Variants in EPOP observed in about 807,000 individuals in gnomAD.
The protein encoded by EPOP is elongin BC and Polycomb repressive complex 2-associated protein.
A neutral mutation model predicts 18.2 loss-of-function variants in EPOP; 14 were observed. The observed-to-expected ratio is 0.77, with a 90% CI of 0.51 to 1.20. The LOEUF (loss-of-function observed/expected upper bound fraction) is 1.20, where lower values mean the gene tolerates loss of function less well. Ranked by LOEUF, EPOP falls within the 50% of genes most tolerant of loss-of-function variation. EPOP has a pLI of 0.00. For missense variants in EPOP, 527 were observed against 577.2 expected (o/e 0.91, Z 0.89); for synonymous variants, 252 against 274.9 (o/e 0.92, Z 0.83).
In EPOP at chr17:38,673,580, T is replaced by C. The variant is rs1167364018; in HGVS notation, c.916A>G (p.Thr306Ala). The C allele has an allele frequency of 6.8e-7, 1 of 1,476,204 alleles. No individual in the cohort carries two copies. The highest frequency in any genetic ancestry group is 9.0e-7 in the Non-Finnish European group (1 of 1,114,880). 91.4% of individuals were successfully genotyped at this position (1,476,204 alleles called of 1,614,324 possible). A position where few individuals can be genotyped will look rare whatever the true frequency, so the allele number is the denominator to read the frequency against. Residue 306 changes from threonine to alanine, a missense_variant, in exon 1 of 1, where the codon ACG (threonine) becomes GCG (alanine). Transcript: ENST00000621654. The stretch of plus-strand genomic sequence containing the variant: ...CTGAAGGTGCTCGTGGTGGGGAGCG[T>C]CGGTGCAGGGCGGCGGGGCTGCGCG... ...RTAQPRRPAP[T>A]LPTTSTFSLL...
Position 38,674,944 on chromosome 17 carries a change from C to T in EPOP, c.-449G>A, listed in dbSNP as rs970064208. On this transcript the variant is annotated 5_prime_UTR_variant, in exon 1 of 1. Coordinates refer to ENST00000621654, the MANE Select transcript of EPOP (RefSeq NM_001130677.2). This position sits in a 1 kb window ranked among gnomAD's most constrained non-coding sequence, Gnocchi z 4.5. ...CTTCCCCGCTGGCTCCCGGAGACCG[C>T]GTTATAGAGAACTGCCCCCTCGCTG... The T allele has an allele frequency of 1.3e-5, 2 of 158,426 alleles. No individual in the cohort carries two copies. The allele number at this position is 158,426 out of a possible 1,614,324, so 9.8% of individuals were successfully genotyped here.
Position 38,674,067 on chromosome 17 carries a change from G to A in EPOP, c.429C>T (p.Pro143=), listed in dbSNP as rs533951939. The change falls in exon 1 of 1, where the codon CCC becomes CCT. Residue 143 remains proline, a synonymous_variant. Transcript: ENST00000621654. The surrounding 1 kb of genome is among the most constrained non-coding windows in gnomAD (Gnocchi z 4.5). ...SCAPPGRCPA[P]PHPRESTTSF... ...TGGTCGTAGATTCCCGAGGGTGCGGGGGCGCAGGGCAGCGGCCCGGAGGTG... is the reference window on the plus strand; with the variant it reads ...TGGTCGTAGATTCCCGAGGGTGCGGAGGCGCAGGGCAGCGGCCCGGAGGTG... 3.8e-5 allele frequency: 53 copies of A among 1,404,686 alleles called. No homozygotes were observed. In the Admixed American group the frequency reaches 9.4e-4, roughly 25 times the overall value. 87.0% of individuals were successfully genotyped at this position (1,404,686 alleles called of 1,614,324 possible).
chr17:38,673,775 G>T lies in EPOP; in HGVS notation c.721C>A (p.Arg241Ser). The T allele has an allele frequency of 6.6e-7, 1 of 1,521,716 alleles. No individual in the cohort carries two copies. Among genetic ancestry groups the T allele is most frequent in the Non-Finnish European group, 8.8e-7 (1 of 1,135,242 alleles). The allele number at this position is 1,521,716 out of a possible 1,614,324, so 94.3% of individuals were successfully genotyped here. A position where few individuals can be genotyped will look rare whatever the true frequency, so the allele number is the denominator to read the frequency against. Residue 241 changes from arginine (R) to serine (S), a missense_variant, in exon 1 of 1, where the codon CGC becomes AGC. Coordinates refer to ENST00000621654, the MANE Select transcript of EPOP (RefSeq NM_001130677.2). ...ATCAGACGATCGAAATGTTCCTGGC[G>T]GAGATCTCCGGGTGCGGCCGGAGCC... The part of the protein sequence containing the change: ...SPAPAAPGDL[R>S]QEHFDRLIRR...
rs1334519695 is a variant in EPOP, at chr17:38,674,486, G to C, written c.10C>G (p.Leu4Val). 3 of 1,532,878 alleles carry C rather than the reference G, an allele frequency of 2.0e-6. No individual in the cohort carries two copies. Among genetic ancestry groups the C allele is most frequent in the South Asian group, 1.2e-5 (1 of 83,198 alleles). The allele number at this position is 1,532,878 out of a possible 1,614,324, so 95.0% of individuals were successfully genotyped here. A position where few individuals can be genotyped will look rare whatever the true frequency, so the allele number is the denominator to read the frequency against. MET[L>V]CPAPRLAVPA... ...ACTGCCAGGCGGGGCGCAGGGCACA[G>C]GGTCTCCATGGAGCAGCCTGAGGGG... Residue 4 changes from leucine to valine, a missense_variant, in exon 1 of 1, where the codon CTG (leucine) becomes GTG (valine). By Grantham distance (32) the Leu-to-Val change is conservative (BLOSUM62 1). Coordinates refer to ENST00000621654, the MANE Select transcript of EPOP (RefSeq NM_001130677.2). This position sits in a 1 kb window ranked among gnomAD's most constrained non-coding sequence, Gnocchi z 4.5.
In EPOP at chr17:38,673,439, GC is replaced by G; in HGVS notation, c.1056del (p.Leu353CysfsTer70). On this transcript the variant is annotated frameshift_variant, in exon 1 of 1. Coordinates refer to ENST00000621654, the MANE Select transcript of EPOP (RefSeq NM_001130677.2). LOFTEE classifies it high-confidence loss of function. ...QGDSKPPPAH[P>X]LWRWQMGGPA... ...GGACCCCCCATCTGCCACCTCCACA[GC>G]GGGTGGGCGGGCGGGGGCTTAGAGT... The G allele has an allele frequency of 2.0e-6, 3 of 1,501,992 alleles. No individual in the cohort carries two copies. Among genetic ancestry groups the G allele is most frequent in the Admixed American group, 2.1e-5 (1 of 46,704 alleles). 93.0% of individuals were successfully genotyped at this position (1,501,992 alleles called of 1,614,324 possible).
rs1911072162 is a variant in EPOP, at chr17:38,674,776, G to C, written c.-281C>G. The C allele has an allele frequency of 3.1e-6, 1 of 322,964 alleles. No individual in the cohort carries two copies. Among genetic ancestry groups the C allele is most frequent in the Non-Finnish European group, 5.6e-6 (1 of 178,796 alleles). The allele number at this position is 322,964 out of a possible 1,614,324, so 20.0% of individuals were successfully genotyped here. On this transcript the variant is annotated 5_prime_UTR_variant, in exon 1 of 1. Coordinates refer to ENST00000621654, the MANE Select transcript of EPOP (RefSeq NM_001130677.2). The surrounding 1 kb of genome is among the most constrained non-coding windows in gnomAD (Gnocchi z 4.5). ...CGTCCCCTTCGCAACCCCGGCGGGA[G>C]ACCCTCTCGAGTCGCCCGAAGCGCA...
chr17:38,673,325 C>T lies in EPOP; in HGVS notation c.*31G>A. ...CAAGCCCGCGGTTTGGCCATGGTCCCAACTTTTCCCCTTTGGCAGAAGTCC... is the reference window on the plus strand; with the variant it reads ...CAAGCCCGCGGTTTGGCCATGGTCCTAACTTTTCCCCTTTGGCAGAAGTCC... On this transcript the variant is annotated 3_prime_UTR_variant, in exon 1 of 1. Transcript: ENST00000621654. The T allele has an allele frequency of 6.7e-7, 1 of 1,498,174 alleles. No individual in the cohort carries two copies. The highest frequency in any genetic ancestry group is 8.9e-7 in the Non-Finnish European group (1 of 1,122,996). 92.8% of individuals were successfully genotyped at this position (1,498,174 alleles called of 1,614,324 possible). A position where few individuals can be genotyped will look rare whatever the true frequency, so the allele number is the denominator to read the frequency against.
In EPOP at chr17:38,673,795, G is replaced by A. The variant is rs1456506613; in HGVS notation, c.701C>T (p.Pro234Leu). 2 of 1,514,980 alleles carry A rather than the reference G, an allele frequency of 1.3e-6. No homozygotes were observed. Among genetic ancestry groups the A allele is most frequent in the Middle Eastern group, 1.7e-4 (1 of 5,880 alleles). 93.8% of individuals were successfully genotyped at this position (1,514,980 alleles called of 1,614,324 possible). Reference protein sequence around the residue: ...AASPSTASPAPAAPGDLRQEH... With the variant: ...AASPSTASPALAAPGDLRQEH... ...CTGGCGGAGATCTCCGGGTGCGGCC[G>A]GAGCCGGGCTGGCCGTCGAGGGGCT... The change falls in exon 1 of 1, where the codon CCG becomes CTG. Residue 234 changes from proline to leucine, a missense_variant. Transcript: ENST00000621654.
chr17:38,674,446 C>T lies in EPOP; in HGVS notation c.50G>A (p.Arg17Gln). ...GGGCGTGGGGGAGCAGGGCGACCCT[C>T]GCGGGGACGCCGGCACTGCCAGGCG... ...APRLAVPASP[R>Q]GSPCSPTPRK... The change falls in exon 1 of 1, where the codon CGA (arginine) becomes CAA (glutamine). Residue 17 changes from arginine to glutamine, a missense_variant. Transcript: ENST00000621654. The surrounding 1 kb of genome is among the most constrained non-coding windows in gnomAD (Gnocchi z 4.5). 6.5e-7 allele frequency: 1 copy of T among 1,539,688 alleles called. No individual in the cohort carries two copies. The highest frequency in any genetic ancestry group is 8.7e-7 in the Non-Finnish European group (1 of 1,145,424).
chr17:38,673,457 G>T lies in EPOP; in HGVS notation c.1039C>A (p.Pro347Thr). ...SSLRLQGDSKPPPAHPLWRWQ... is the reference protein window; with the variant it reads ...SSLRLQGDSKTPPAHPLWRWQ... ...CTCCACAGCGGGTGGGCGGGCGGGGGCTTAGAGTCTCCCTGGAGGCGAAGC... is the reference window on the plus strand; with the variant it reads ...CTCCACAGCGGGTGGGCGGGCGGGGTCTTAGAGTCTCCCTGGAGGCGAAGC... The change falls in exon 1 of 1, where the codon CCC (proline) becomes ACC (threonine). Residue 347 changes from proline to threonine, a missense_variant. Physicochemically the swap from Pro to Thr is conservative, Grantham distance 38 (BLOSUM62 -1). Coordinates refer to ENST00000621654, the MANE Select transcript of EPOP (RefSeq NM_001130677.2). The T allele has an allele frequency of 4.6e-6, 7 of 1,533,784 alleles. No individual in the cohort carries two copies. The highest frequency in any genetic ancestry group is 6.1e-6 in the Non-Finnish European group (7 of 1,140,748).
chr17:38,674,229 G>A lies in EPOP; in HGVS notation c.267C>T (p.His89=). 1 of 1,432,302 alleles carries A rather than the reference G, an allele frequency of 7.0e-7. No individual in the cohort carries two copies. The highest frequency in any genetic ancestry group is 9.1e-7 in the Non-Finnish European group (1 of 1,103,664). 88.7% of individuals were successfully genotyped at this position (1,432,302 alleles called of 1,614,324 possible). The change falls in exon 1 of 1, where the codon CAC becomes CAT. Residue 89 remains histidine, a synonymous_variant. Transcript: ENST00000621654. This position sits in a 1 kb window ranked among gnomAD's most constrained non-coding sequence, Gnocchi z 4.5. ...PGGWAPDGLK[H]LWAPTGRPGV... ...CGGGCCGCCCGGTCGGTGCCCAGAG[G>A]TGCTTCAGGCCATCCGGGGCCCAGC...
chr17:38,673,566 C>T lies in EPOP; in HGVS notation c.930G>A (p.Thr310=). Residue 310 remains threonine, a synonymous_variant, in exon 1 of 1, where the codon ACG becomes ACA. Transcript: ENST00000621654. ...PRRPAPTLPT[T]STFSLLNCFP... ...AGCAGTTGAGGAGGCTGAAGGTGCT[C>T]GTGGTGGGGAGCGTCGGTGCAGGGC... is the stretch of plus-strand genomic sequence containing the variant. 1 of 1,479,994 alleles carries T rather than the reference C, an allele frequency of 6.8e-7. No individual in the cohort carries two copies. Among genetic ancestry groups the T allele is most frequent in the African/African-American group, 1.4e-5 (1 of 69,198 alleles). 91.7% of individuals were successfully genotyped at this position (1,479,994 alleles called of 1,614,324 possible).
Position 38,673,414 on chromosome 17 carries a change from G to A in EPOP, c.1082C>T (p.Pro361Leu). The A allele has an allele frequency of 1.4e-6, 1 of 714,362 alleles. No individual in the cohort carries two copies. The highest frequency in any genetic ancestry group is 1.5e-5 in the South Asian group (1 of 65,478). The allele number at this position is 714,362 out of a possible 1,614,324, so 44.3% of individuals were successfully genotyped here. Reference sequence around the variant, plus strand: ...GAGGCCAGGGGGCTCAGGGACAGCGGGACCCCCCATCTGCCACCTCCACAG... The same window carrying A: ...GAGGCCAGGGGGCTCAGGGACAGCGAGACCCCCCATCTGCCACCTCCACAG... ...HPLWRWQMGG[P>L]AVPEPPGLKF... is the part of the protein sequence containing the mutation. Residue 361 changes from proline (P) to leucine (L), a missense_variant, in exon 1 of 1, where the codon CCC becomes CTC. Pro to Leu is a moderately conservative substitution (Grantham distance 98). Transcript: ENST00000621654.
chr17:38,673,593 G>A lies in EPOP; in HGVS notation c.903C>T (p.Arg301=), dbSNP rs1481740407. 1.4e-6 allele frequency: 2 copies of A among 1,469,836 alleles called. No individual in the cohort carries two copies. Among genetic ancestry groups the A allele is most frequent in the African/African-American group, 3.0e-5 (2 of 67,626 alleles). 91.0% of individuals were successfully genotyped at this position (1,469,836 alleles called of 1,614,324 possible). A position where few individuals can be genotyped will look rare whatever the true frequency, so the allele number is the denominator to read the frequency against. The part of the protein sequence containing the change: ...PAPPPRTAQP[R]RPAPTLPTTS... ...TGGTGGGGAGCGTCGGTGCAGGGCG[G>A]CGGGGCTGCGCGGTGCGCGGAGGGG... The change falls in exon 1 of 1, where the codon CGC becomes CGT. Residue 301 remains arginine (R), a synonymous_variant. Coordinates refer to ENST00000621654, the MANE Select transcript of EPOP (RefSeq NM_001130677.2).
rs2143609711 is a variant in EPOP at position 38,673,956 on chromosome 17, G to A, written c.540C>T (p.Ser180=). ...GGCCCGCAGGTGGCGACGGAGGCCG[G>A]GAACTGGGTTCCTGAGGCGGGCTGG... ...PAASPPQEPS[S]RPPSPPAGLS... The change falls in exon 1 of 1, where the codon TCC becomes TCT. Residue 180 remains serine, a synonymous_variant. Coordinates refer to ENST00000621654, the MANE Select transcript of EPOP (RefSeq NM_001130677.2). 1 of 1,401,824 alleles carries A rather than the reference G, an allele frequency of 7.1e-7. No homozygotes were observed. Among genetic ancestry groups the A allele is most frequent in the Non-Finnish European group, 9.2e-7 (1 of 1,088,106 alleles). The allele number at this position is 1,401,824 out of a possible 1,614,324, so 86.8% of individuals were successfully genotyped here.
rs1414046606 is a variant in EPOP, at chr17:38,674,361, G to C, written c.135C>G (p.Phe45Leu). The change falls in exon 1 of 1, where the codon TTC (phenylalanine) becomes TTG (leucine). Residue 45 changes from phenylalanine (F) to leucine (L), a missense_variant. Physicochemically the swap from Phe to Leu is conservative, Grantham distance 22 (BLOSUM62 0). Coordinates refer to ENST00000621654, the MANE Select transcript of EPOP (RefSeq NM_001130677.2). The surrounding 1 kb of genome is among the most constrained non-coding windows in gnomAD (Gnocchi z 4.5). ...ACGCCCGGGGCTTGGCAAGGGCGCA[G>C]AAGGCGAGGGCACGCAGGCACAGCG... Reference protein sequence around the residue: ...FSPLCLRALAFCALAKPRASS... With the variant: ...FSPLCLRALALCALAKPRASS... 13 of 1,542,604 alleles carry C rather than the reference G, an allele frequency of 8.4e-6. No homozygotes were observed. Among genetic ancestry groups the C allele is most frequent in the Non-Finnish European group, 1.1e-5 (13 of 1,146,164 alleles).
rs1202423403 is a variant in EPOP, at chr17:38,674,071, G to A, written c.425C>T (p.Ala142Val). The A allele has an allele frequency of 1.4e-6, 2 of 1,405,986 alleles. No homozygotes were observed. The highest frequency in any genetic ancestry group is 3.5e-5 in the Admixed American group (1 of 28,886). The allele number at this position is 1,405,986 out of a possible 1,614,324, so 87.1% of individuals were successfully genotyped here. A position where few individuals can be genotyped will look rare whatever the true frequency, so the allele number is the denominator to read the frequency against. Residue 142 changes from alanine (A) to valine (V), a missense_variant, in exon 1 of 1, where the codon GCG (alanine) becomes GTG (valine). Transcript: ENST00000621654. The surrounding 1 kb of genome is among the most constrained non-coding windows in gnomAD (Gnocchi z 4.5). ...CGTAGATTCCCGAGGGTGCGGGGGC[G>A]CAGGGCAGCGGCCCGGAGGTGCACA... is the stretch of plus-strand genomic sequence containing the variant. Reference protein sequence around the residue: ...RSCAPPGRCPAPPHPRESTTS... With the variant: ...RSCAPPGRCPVPPHPRESTTS...
rs1327013734 is a variant in EPOP, at chr17:38,672,051, G to GGAGGGCATGGCA, written c.*1293_*1304dup. ...TCTCTGACTCAAGATCCTCCTAGCT[G>GGAGGGCATGGCA]GAGGGCATGGCAGAGGGCATGATCC... On this transcript the variant is annotated 3_prime_UTR_variant, in exon 1 of 1. Transcript: ENST00000621654. 1 of 152,392 alleles carries GGAGGGCATGGCA rather than the reference G, an allele frequency of 6.6e-6. No individual in the cohort carries two copies. Among genetic ancestry groups the GGAGGGCATGGCA allele is most frequent in the African/African-American group, 2.4e-5 (1 of 41,438 alleles). 9.4% of individuals were successfully genotyped at this position (152,392 alleles called of 1,614,324 possible).
Position 38,673,179 on chromosome 17 carries a change from A to C in EPOP, c.*177T>G. On this transcript the variant is annotated 3_prime_UTR_variant, in exon 1 of 1. Coordinates refer to ENST00000621654, the MANE Select transcript of EPOP (RefSeq NM_001130677.2). ...GGTTCCTCTGCAAAGGATGAGGGGG[A>C]GGGACTGTCACCCCGAAAACTTAGG... 9.0e-7 allele frequency: 1 copy of C among 1,113,250 alleles called. No homozygotes were observed. 69.0% of individuals were successfully genotyped at this position (1,113,250 alleles called of 1,614,324 possible).
Sources: gnomAD v4.1 joint callset for allele counts on GRCh38, gnomAD v4.1.1 for gene constraint, Gnocchi (gnomAD v3.1) non-coding constraint, MANE v1.5 for transcripts, NCBI Gene and HGNC (gene_info 2026-07-23, HGNC 2026-07-21) for gene names.